The following FHIP1A variants were observed in gnomAD, a reference collection of about 807,000 sequenced individuals.
The protein encoded by FHIP1A is FHF complex subunit HOOK-interacting protein 1A.
In FHIP1A, 61 loss-of-function variants were observed where a neutral mutation model predicts 88.6. The ratio of observed to expected loss-of-function variants is 0.69; its 90% CI spans 0.56 to 0.85. The LOEUF is 0.85. Ranked by LOEUF, FHIP1A falls within the 40% of genes least tolerant of loss-of-function variation. The pLI, the probability that FHIP1A is intolerant of heterozygous loss-of-function variation, is 0.00. For synonymous variants in FHIP1A, 478 were observed against 496.0 expected, an observed-to-expected ratio of 0.96 and a Z score of 0.48; for missense variants, 1,154 against 1,273.5, an observed-to-expected ratio of 0.91 and a Z score of 1.43.
At chr4:151,552,056 G>A (rs1322768135) in intron 3 of FHIP1A, among the ~76,000 whole-genome samples, 1 of 152,192 alleles carries the variant, frequency 6.6e-6, no homozygotes, top group African/African-American at 2.4e-5. Flanking sequence ...CATTTATGCA[G>A]CCAAAAAACA....
At chr4:151,532,812 T>G (rs569569250) in intron 3 of FHIP1A, among the ~76,000 whole-genome samples, 1 of 152,100 alleles carries the variant, frequency 6.6e-6, no homozygotes, top group African/African-American at 2.4e-5. Flanking sequence ...AAGGGACTTC[T>G]TACATGGCAG....
intron 4 of FHIP1A, among the ~76,000 whole-genome samples, chr4:151,575,213 A>G (rs1053738738): frequency 4.6e-5 from 7 of 152,190 alleles, no homozygotes; most frequent in African/African-American, 1.7e-4. Context: ...AGTAAACTCA[A>G]TATATGGACT....
At chr4:151,493,779 T>A (rs936495376) in intron 3 of FHIP1A, among the ~76,000 whole-genome samples, 23 of 152,188 alleles carry the variant, frequency 1.5e-4, no homozygotes, top group Admixed American at 6.5e-5. Context: ...AACATTGCTT[T>A]ATGATTAAAA....
chr4:151,593,679 C>T (rs1297093777), intron 7 of FHIP1A, among the ~76,000 whole-genome samples: 2 of 152,138 alleles, frequency 1.3e-5, no homozygotes, highest in Non-Finnish European at 2.9e-5. Context: ...ATAGGGTTTT[C>T]TAAATATACA....
chr4:151,613,387 G>C (rs2126850894), intron 7 of FHIP1A, among the ~76,000 whole-genome samples: 1 of 152,308 alleles, frequency 6.6e-6, no homozygotes, highest in East Asian at 1.9e-4. Context: ...TTTATCTCAT[G>C]TGGCAGGTGG....
chr4:151,609,028 T>C (rs1368092158), intron 7 of FHIP1A, among the ~76,000 whole-genome samples: 1 of 152,194 alleles, frequency 6.6e-6, no homozygotes, highest in African/African-American at 2.4e-5. Context: ...CCAAGTGTCA[T>C]TATTTATTAC....
At chr4:151,473,569 C>G (rs1729602239) in intron 2 of FHIP1A, among the ~76,000 whole-genome samples, 1 of 152,036 alleles carries the variant, frequency 6.6e-6, no homozygotes, top group Admixed American at 6.6e-5. Context: ...ATATAATATT[C>G]ATAGCTCAAT....
intron 3 of FHIP1A, among the ~76,000 whole-genome samples, chr4:151,521,329 A>T (rs1174115619): frequency 6.6e-6 from 1 of 152,192 alleles, no homozygotes; most frequent in African/African-American, 2.4e-5. Context: ...TGAATATTTA[A>T]TAATTTTTTT....
intron 3 of FHIP1A, among the ~76,000 whole-genome samples, chr4:151,485,282 GTTTTTTTTTT>G (rs74327398): frequency 8.4e-6 from 1 of 118,730 alleles, no homozygotes; most frequent in Non-Finnish European, 1.7e-5. Flanking sequence ...ATCTTTTCCA[GTTTTTTTTTT>G]TTTTTTTTTT....
chr4:151,646,375 T>G (rs1190144039), intron 9 of FHIP1A, among the ~76,000 whole-genome samples, 183 bp from the exon 10 acceptor site: 1 of 152,050 alleles, frequency 6.6e-6, no homozygotes, highest in African/African-American at 2.4e-5. Context: ...TGCAAAGAGG[T>G]TGTTCTTTCA....
At chr4:151,610,395 G>A (rs1735277090) in intron 7 of FHIP1A, among the ~76,000 whole-genome samples, 1 of 152,174 alleles carries the variant, frequency 6.6e-6, no homozygotes, top group South Asian at 2.1e-4. Context: ...GAGGCTCTGT[G>A]TATATCATCT....
At chr4:151,633,101 A>G (rs1736217590) in intron 8 of FHIP1A, among the ~76,000 whole-genome samples, 1 of 151,960 alleles carries the variant, frequency 6.6e-6, no homozygotes, top group Non-Finnish European at 1.5e-5. Flanking sequence ...AGATGACTCA[A>G]ATAACTAAAA....
rs1736182519 is a variant in FHIP1A, at chr4:151,632,202, T to C, written c.1146+2333T>C. Among the ~76,000 whole-genome samples the C allele has an allele frequency of 4.0e-5, 6 of 151,854 alleles. No individual in the cohort carries two copies. The South Asian group carries it at 1.2e-3, about 32-fold the overall frequency. On this transcript the variant is annotated intron_variant, in intron 8 of 13. Transcript: ENST00000435205. ...TAAAGAGACAAAAAAGGACACGAGATAAGGAATGACATTAATGATAAAAGG... is the reference window on the plus strand; with the variant it reads ...TAAAGAGACAAAAAAGGACACGAGACAAGGAATGACATTAATGATAAAAGG...
chr4:151,622,697 A>G (rs1274814903), intron 7 of FHIP1A, among the ~76,000 whole-genome samples: 3 of 152,162 alleles, frequency 2.0e-5, no homozygotes, highest in Non-Finnish European at 2.9e-5. Flanking sequence ...AGAAGTTTGA[A>G]TCAAAAAAGG....
intron 5 of FHIP1A, among the ~76,000 whole-genome samples, chr4:151,584,739 A>G (rs1734143781): frequency 6.6e-6 from 1 of 152,070 alleles, no homozygotes; most frequent in African/African-American, 2.4e-5. Context: ...GCCTCTTTCT[A>G]CCTGTAATTC....
intron 5 of FHIP1A, among the ~76,000 whole-genome samples, chr4:151,582,230 C>A (rs141689649): frequency 6.6e-6 from 1 of 152,228 alleles, no homozygotes; most frequent in African/African-American, 2.4e-5. Context: ...AGGTGTTATG[C>A]TGCGAGCTTC....
At chr4:151,467,244 T>C (rs1224921301) in intron 2 of FHIP1A, among the ~76,000 whole-genome samples, 1 of 152,194 alleles carries the variant, frequency 6.6e-6, no homozygotes, top group African/African-American at 2.4e-5. Flanking sequence ...CACTGATCGT[T>C]AGAGAAATGC....
chr4:151,461,517 T>C (rs1729140655), intron 2 of FHIP1A, among the ~76,000 whole-genome samples: 1 of 152,202 alleles, frequency 6.6e-6, no homozygotes, highest in African/African-American at 2.4e-5. Context: ...AAATGATAAA[T>C]GTTTGAGACG....
chr4:151,506,893 A>G (rs1317236150), intron 3 of FHIP1A, among the ~76,000 whole-genome samples: 1 of 152,234 alleles, frequency 6.6e-6, no homozygotes, highest in African/African-American at 2.4e-5. Flanking sequence ...ATTATTTTTT[A>G]AATTTATTTA....
Sources: gnomAD v4.1 joint callset for allele counts (sites outside exome capture counted in the v4.1 genomes callset) on GRCh38, gnomAD v4.1.1 for gene constraint, MANE v1.5 for transcripts, NCBI Gene and HGNC (gene_info 2026-07-23, HGNC 2026-07-21) for gene names.